The following NF1 variants were observed in gnomAD, a reference collection of about 807,000 sequenced individuals.
The protein encoded by NF1 is neurofibromin 1.
In NF1, 122 loss-of-function variants were observed where a neutral mutation model predicts 325.7. The ratio of observed to expected loss-of-function variants is 0.37; its 90% confidence interval spans 0.32 to 0.44. The LOEUF is 0.44. NF1 is among the 20% of genes least tolerant of loss of function. NF1 has a pLI of 1.00. For synonymous variants in NF1, 1,091 were observed against 1,186.0 expected (o/e 0.92, Z 1.65); for missense variants, 2,140 against 3,415.4 (o/e 0.63, Z 9.31).
chr17:31,374,738 G>T lies in NF1; in HGVS notation c.*583G>T. ...CCATAAAGCCACAGACAAGGTACTT[G>T]GGGGGGAGGGCAGGGAAATTTCATA... On this transcript the variant is annotated 3_prime_UTR_variant, in exon 58 of 58. Coordinates refer to ENST00000358273, the MANE Select transcript of NF1 (RefSeq NM_001042492.3). 4.3e-6 allele frequency: 1 copy of T among 232,962 alleles called. No homozygotes were observed. Among genetic ancestry groups the T allele is most frequent in the Non-Finnish European group, 8.5e-6 (1 of 117,726 alleles). 14.4% of individuals were successfully genotyped at this position (232,962 alleles called of 1,614,324 possible). A position where few individuals can be genotyped will look rare whatever the true frequency, so the allele number is the denominator to read the frequency against.
intron 46 of NF1, 122 bp from the exon 47 acceptor site, chr17:31,340,383 C>T (rs984720204): frequency 7.0e-6 from 9 of 1,281,380 alleles, no homozygotes; most frequent in Non-Finnish European, 1.0e-5. Flanking sequence ...CTTTATCTTC[C>T]CCAAAAGAGA....
intron 29 of NF1, among the ~76,000 whole-genome samples, 151 bp from the exon 30 acceptor site, chr17:31,248,831 CTT>C (rs75577313): frequency 6.9e-6 from 1 of 145,156 alleles, no homozygotes; most frequent in Non-Finnish European, 1.5e-5. Flanking sequence ...TCAAAGTTGT[CTT>C]TTTTTTTTTT....
chr17:31,314,184 A>G (rs1038489625), intron 36 of NF1: 23 of 390,588 alleles, frequency 5.9e-5, no homozygotes, highest in Admixed American at 1.3e-4. Flanking sequence ...TAAGAAATAT[A>G]TTACTTTAAC....
intron 1 of NF1, among the ~76,000 whole-genome samples, chr17:31,112,936 T>G (rs913863966): frequency 6.6e-5 from 10 of 152,178 alleles, no homozygotes; most frequent in Non-Finnish European, 1.3e-4. Flanking sequence ...TATGTGCCTG[T>G]TATGCCAATA....
intron 5 of NF1, among the ~76,000 whole-genome samples, chr17:31,178,042 G>T (rs1341571209): frequency 6.6e-6 from 1 of 152,030 alleles, no homozygotes; most frequent in African/African-American, 2.4e-5. Context: ...TCCTCGAGAA[G>T]AGCAACCCCA....
intron 36 of NF1, chr17:31,304,624 G>A: frequency 6.2e-7 from 1 of 1,614,152 alleles, no homozygotes; most frequent in Non-Finnish European, 8.5e-7. Flanking sequence ...AGAAGAAACA[G>A]CAGTTCCAAC....
At chr17:31,155,776 C>A (rs1160374028) in intron 1 of NF1, among the ~76,000 whole-genome samples, 1 of 152,088 alleles carries the variant, frequency 6.6e-6, no homozygotes, top group Non-Finnish European at 1.5e-5. Flanking sequence ...TAAATGCTAT[C>A]ATATATTGGT....
rs760096862 is a variant in NF1 at position 31,348,542 on chromosome 17, AG to A, written c.7190-577del. Reference sequence around the variant, plus strand: ...CCTCCCTCGCTAGTTGAGACCAAAAAGAGACAAATAACTTTTTCATGGTCTT... The same window carrying A: ...CCTCCCTCGCTAGTTGAGACCAAAAAAGACAAATAACTTTTTCATGGTCTT... On this transcript the variant is annotated intron_variant, in intron 48 of 57. Coordinates refer to ENST00000358273, the MANE Select transcript of NF1 (RefSeq NM_001042492.3). 3.3e-4 allele frequency among the ~76,000 whole-genome samples: 49 copies of A among 150,296 alleles called. 1 individual carries two copies. The East Asian group carries it at 7.2e-3, about 22-fold the overall frequency.
At chr17:31,133,549 AACTGTTTT>A in intron 1 of NF1, 1 of 152,248 alleles carries the variant, frequency 6.6e-6, no homozygotes, top group African/African-American at 2.4e-5. Context: ...TATGTTGAGG[AACTGTTTT>A]ACTGTTTTCC....
At chr17:31,259,164 T>C in intron 33 of NF1, 35 bp downstream of exon 33, 2 of 1,414,952 alleles carry the variant, frequency 1.4e-6, no homozygotes, top group Non-Finnish European at 2.0e-6. Context: ...TTGCTCTGTT[T>C]GAATCAAATA....
intron 31 of NF1, 27 bp downstream of exon 31, chr17:31,253,027 T>C (rs1328119626): frequency 6.3e-7 from 1 of 1,581,252 alleles, no homozygotes. Context: ...TTTTATTAGC[T>C]GTTTCTTTCA....
intron 11 of NF1, among the ~76,000 whole-genome samples, chr17:31,202,902 C>G (rs563620220): frequency 6.6e-6 from 1 of 152,288 alleles, no homozygotes; most frequent in South Asian, 2.1e-4. Flanking sequence ...TTTCTCCCCT[C>G]AAGTTTATGT....
At chr17:31,100,730 C>T (rs1331010430) in intron 1 of NF1, among the ~76,000 whole-genome samples, 1 of 152,084 alleles carries the variant, frequency 6.6e-6, no homozygotes. Context: ...CCACCACGCC[C>T]AGCTAATTTT....
Position 31,349,358 on chromosome 17 carries a change from A to G in NF1, c.7321+107A>G. ...TTTTGGCGGTTGCGTGGCAGAGCAGAAAGTTCACAGTCTAGTCCTTTAGTG... is the reference window on the plus strand; with the variant it reads ...TTTTGGCGGTTGCGTGGCAGAGCAGGAAGTTCACAGTCTAGTCCTTTAGTG... On this transcript the variant is annotated intron_variant, in intron 49 of 57. Transcript: ENST00000358273. 2.6e-6 allele frequency: 3 copies of G among 1,134,918 alleles called. No homozygotes were observed. In the South Asian group the frequency reaches 4.0e-5, roughly 15 times the overall value. The allele number at this position is 1,134,918 out of a possible 1,614,324, so 70.3% of individuals were successfully genotyped here.
At chr17:31,202,434 G>A (rs998516026) in intron 11 of NF1, among the ~76,000 whole-genome samples, 1 of 152,118 alleles carries the variant, frequency 6.6e-6, no homozygotes, top group Non-Finnish European at 1.5e-5. Flanking sequence ...AATAAATACT[G>A]CCCATATTCT....
rs1300226301 is a variant in NF1 at position 31,229,066 on chromosome 17, G to A, written c.2451G>A (p.Met817Ile). 1 of 1,611,678 alleles carries A rather than the reference G, an allele frequency of 6.2e-7. No individual in the cohort carries two copies. The highest frequency in any genetic ancestry group is 1.7e-5 in the Admixed American group (1 of 59,978). Residue 817 changes from methionine (M) to isoleucine (I), a missense_variant, in exon 21 of 58, where the codon ATG (methionine) becomes ATA (isoleucine). Around this residue, in one of 10 missense-constraint regions of NF1, gnomAD observed 380 missense variants for 639.3 expected, o/e 0.59. Coordinates refer to ENST00000358273, the MANE Select transcript of NF1 (RefSeq NM_001042492.3). ...SLHKTIVKRR[M>I]SHVSGGGSID... ...ACAAGACCATTGTTAAGAGGCGAATGTCCCATGTGAGTGGAGGAGGATCCA... is the reference window on the plus strand; with the variant it reads ...ACAAGACCATTGTTAAGAGGCGAATATCCCATGTGAGTGGAGGAGGATCCA...
chr17:31,163,098 T>C, intron 3 of NF1, 88 bp from the exon 4 acceptor site: 1 of 1,283,402 alleles, frequency 7.8e-7, no homozygotes, highest in Non-Finnish European at 1.1e-6. Context: ...ATTATTTTTG[T>C]TCTGTGTGTG....
intron 5 of NF1, among the ~76,000 whole-genome samples, chr17:31,177,502 C>T (rs2066045155): frequency 6.6e-6 from 1 of 151,880 alleles, no homozygotes; most frequent in African/African-American, 2.4e-5. Context: ...AGGAACGAAA[C>T]TGGACAAAGA....
intron 36 of NF1, chr17:31,320,579 T>G: frequency 1.6e-6 from 1 of 626,976 alleles, no homozygotes; most frequent in Non-Finnish European, 2.7e-6. Flanking sequence ...AAAAGTAGCA[T>G]GTAATAAACA....
Sources: gnomAD v4.1 joint callset for allele counts (sites outside exome capture counted in the v4.1 genomes callset) on GRCh38, gnomAD v4.1.1 for gene constraint, gnomAD v4.1.1 regional missense constraint, MANE v1.5 for transcripts, NCBI Gene and HGNC (gene_info 2026-07-23, HGNC 2026-07-21) for gene names.